The following SACS variants were observed in gnomAD, a reference collection of about 807,000 sequenced individuals.
The protein encoded by SACS is sacsin molecular chaperone.
SACS carries 197 observed loss-of-function variants against 348.0 expected under a neutral mutation model. The ratio of observed to expected loss-of-function variants is 0.57; its 90% CI spans 0.50 to 0.64. The LOEUF (loss-of-function observed/expected upper bound fraction) is 0.64, where lower values mean the gene tolerates loss of function less well. Among genes scored for constraint, SACS ranks in the 30% least tolerant of loss-of-function variants. The pLI is 0.00. For synonymous variants in SACS, 1,985 were observed against 1,910.6 expected (o/e 1.04, Z -1.02); for missense variants, 4,999 against 5,360.8 (o/e 0.93, Z 2.11).
At position 23,358,460 on chromosome 13, in the gene SACS, T is replaced by C; in HGVS notation, c.479A>G (p.Asn160Ser). Residue 160 changes from asparagine (N) to serine (S), a missense_variant, in exon 7 of 10, where the codon AAC (asparagine) becomes AGC (serine). Physicochemically the swap from Asn to Ser is conservative, Grantham distance 46 (BLOSUM62 1). Coordinates refer to ENST00000382292, the MANE Select transcript of SACS (RefSeq NM_014363.6). ...GTCCTCTGGGGTGAAAACCGCGTTG[T>C]TGTACACATAGAGAGCTGGCCCTAG... ...PYQGPALYVY[N>S]NAVFTPEDWH... 1 of 1,614,168 alleles carries C rather than the reference T, an allele frequency of 6.2e-7. No individual in the cohort carries two copies. The highest frequency in any genetic ancestry group is 2.2e-5 in the East Asian group (1 of 44,874).
In SACS at chr13:23,426,564, C is replaced by T. The variant is rs530999142; in HGVS notation, c.-502+7051G>A. On this transcript the variant is annotated intron_variant, in intron 1 of 9. Transcript: ENST00000382292. Reference sequence around the variant, plus strand: ...CTGAGATGGAAGAATTGCTTGAACTCGGGAGGTGGAGGTTGCAGTGAGCTG... The same window carrying T: ...CTGAGATGGAAGAATTGCTTGAACTTGGGAGGTGGAGGTTGCAGTGAGCTG... Among the ~76,000 whole-genome samples the T allele has an allele frequency of 1.1e-3, 165 of 150,742 alleles. 1 individual carries two copies. The highest frequency in any genetic ancestry group is 3.9e-3 in the African/African-American group (158 of 40,908).
chr13:23,374,030 T>C (rs1326181481), intron 3 of SACS: 1 of 152,210 alleles, frequency 6.6e-6, no homozygotes, highest in African/African-American at 2.4e-5. Context: ...CTGACGACTC[T>C]GGTGATGACA....
At chr13:23,412,111 T>C (rs1414118904) in intron 1 of SACS, among the ~76,000 whole-genome samples, 2 of 151,830 alleles carry the variant, frequency 1.3e-5, no homozygotes, top group Non-Finnish European at 2.9e-5. Context: ...TACAAAAAAT[T>C]AGCCGGGCGT....
At chr13:23,363,410 TAG>T (rs1486101131) in intron 6 of SACS, among the ~76,000 whole-genome samples, 1 of 148,656 alleles carries the variant, frequency 6.7e-6, no homozygotes, top group African/African-American at 2.5e-5. Context: ...GTATTTTTAG[TAG>T]AGACAGGTTT....
At chr13:23,370,739 G>A (rs1323872338) in intron 4 of SACS, among the ~76,000 whole-genome samples, 1 of 152,154 alleles carries the variant, frequency 6.6e-6, no homozygotes, top group Non-Finnish European at 1.5e-5. Flanking sequence ...AAAGACGGTG[G>A]ATCACTTGAG....
At chr13:23,423,470 G>C (rs945456733) in intron 1 of SACS, among the ~76,000 whole-genome samples, 1 of 152,166 alleles carries the variant, frequency 6.6e-6, no homozygotes, top group African/African-American at 2.4e-5. Context: ...AGGATGCACT[G>C]TTTTATATCA....
chr13:23,394,709 G>T (rs1872646473), intron 2 of SACS, among the ~76,000 whole-genome samples: 1 of 152,120 alleles, frequency 6.6e-6, no homozygotes, highest in African/African-American at 2.4e-5. Flanking sequence ...CAAAAAATTA[G>T]CCAGGTGTGG....
intron 2 of SACS, among the ~76,000 whole-genome samples, chr13:23,376,515 GATA>G: frequency 6.6e-6 from 1 of 152,182 alleles, no homozygotes; most frequent in Non-Finnish European, 1.5e-5. Flanking sequence ...CCAAAAAATA[GATA>G]ATAAATTGCC....
Position 23,334,646 on chromosome 13 carries a change from G to A in SACS, c.9230C>T (p.Ala3077Val), listed in dbSNP as rs1374365772. 1 of 1,613,310 alleles carries A rather than the reference G, an allele frequency of 6.2e-7. No individual in the cohort carries two copies. The highest frequency in any genetic ancestry group is 8.5e-7 in the Non-Finnish European group (1 of 1,179,644). The part of the protein sequence containing the change: ...FNLVYNCDET[A>V]NLYHCLIDAD... Reference sequence around the variant, plus strand: ...ATCTATAAGACAGTGGTAAAGATTAGCAGTTTCATCACAGTTATAAACCAA... The same window carrying A: ...ATCTATAAGACAGTGGTAAAGATTAACAGTTTCATCACAGTTATAAACCAA... Residue 3077 changes from alanine (A) to valine (V), a missense_variant, in exon 10 of 10, where the codon GCT becomes GTT. Ala to Val is a moderately conservative substitution (Grantham distance 64, BLOSUM62 0). Transcript: ENST00000382292.
chr13:23,340,387 C>T lies in SACS; in HGVS notation c.3489G>A (p.Arg1163=), dbSNP rs1189493581. ...CCAAAGAGCCTGGATAATTTGGAGG[C>T]CTTTCCTTGCAGGCTGGAACCCATT... is the stretch of plus-strand genomic sequence containing the variant. ...KIKWVPACKE[R]PPNYPGSLVW... The change falls in exon 10 of 10, where the codon AGG becomes AGA. Residue 1163 remains arginine (R), a synonymous_variant. Transcript: ENST00000382292. 2 of 1,614,112 alleles carry T rather than the reference C, an allele frequency of 1.2e-6. No homozygotes were observed. The highest frequency in any genetic ancestry group is 1.1e-5 in the South Asian group (1 of 91,072).
intron 2 of SACS, among the ~76,000 whole-genome samples, chr13:23,376,853 AC>A (rs1404675971): frequency 6.6e-6 from 1 of 152,226 alleles, no homozygotes; most frequent in African/African-American, 2.4e-5. Flanking sequence ...GGAGTTCGAG[AC>A]CAGCCTGGCC....
intron 2 of SACS, among the ~76,000 whole-genome samples, chr13:23,407,830 A>C (rs1873300256): frequency 6.6e-6 from 1 of 152,008 alleles, no homozygotes; most frequent in African/African-American, 2.4e-5. Flanking sequence ...GAATCCCCTG[A>C]CTCCGGCTAT....
chr13:23,416,529 G>A (rs544983358), intron 1 of SACS, among the ~76,000 whole-genome samples: 46 of 152,188 alleles, frequency 3.0e-4, no homozygotes, highest in Non-Finnish European at 2.1e-4. Flanking sequence ...AGGCCACAGA[G>A]GCCAGATCAC....
Position 23,332,968 on chromosome 13 carries a change from T to C in SACS, c.10908A>G (p.Arg3636=). Residue 3636 remains arginine (R), a synonymous_variant, in exon 10 of 10, where the codon CGA becomes CGG. Coordinates refer to ENST00000382292, the MANE Select transcript of SACS (RefSeq NM_014363.6). ...DILLHHIFQE[R]MDLLSGNFLK... is the part of the protein sequence containing the mutation. ...GAAAATTTCCAGATAACAAATCCATTCGTTCTTGGAATATATGATGCAGAA... is the reference window on the plus strand; with the variant it reads ...GAAAATTTCCAGATAACAAATCCATCCGTTCTTGGAATATATGATGCAGAA... 6 of 1,613,920 alleles carry C rather than the reference T, an allele frequency of 3.7e-6. No homozygotes were observed. The highest frequency in any genetic ancestry group is 5.1e-6 in the Non-Finnish European group (6 of 1,179,904).
intron 2 of SACS, among the ~76,000 whole-genome samples, chr13:23,397,326 C>G (rs957231728): frequency 6.6e-6 from 1 of 151,986 alleles, no homozygotes. Flanking sequence ...GAGAAAGAAA[C>G]AAATATAGGA....
In SACS at chr13:23,338,014, A is replaced by C; in HGVS notation, c.5862T>G (p.Asp1954Glu). 1 of 1,613,962 alleles carries C rather than the reference A, an allele frequency of 6.2e-7. No homozygotes were observed. The highest frequency in any genetic ancestry group is 8.5e-7 in the Non-Finnish European group (1 of 1,179,938). Residue 1954 changes from aspartate to glutamate, a missense_variant, in exon 10 of 10, where the codon GAT becomes GAG. By Grantham distance (45) the Asp-to-Glu change is conservative. Coordinates refer to ENST00000382292, the MANE Select transcript of SACS (RefSeq NM_014363.6). ...ATCCTTGGCAAATTACAGAAAAATC[A>C]TCATGAACTAAATCAGGATCGGGCC... ...AVWPDPDLVH[D>E]DFSVICQGFY...
chr13:23,390,925 G>A (rs999843160), intron 2 of SACS, among the ~76,000 whole-genome samples: 1 of 152,134 alleles, frequency 6.6e-6, no homozygotes, highest in South Asian at 2.1e-4. Context: ...TCCTTCTCCA[G>A]CCCAAACCTG....
At position 23,354,632 on chromosome 13, in the gene SACS, G is replaced by A. The variant is rs991078992; in HGVS notation, c.1980C>T (p.Tyr660=). 1.1e-5 allele frequency: 17 copies of A among 1,614,120 alleles called. No individual in the cohort carries two copies. The African/African-American group carries it at 1.2e-4, about 11-fold the overall frequency. The change falls in exon 8 of 10, where the codon TAC becomes TAT. Residue 660 remains tyrosine (Y), a synonymous_variant. Transcript: ENST00000382292. Reference sequence around the variant, plus strand: ...GCAGCTCCAGCCCAAGCAGCTCACTGTAGGCTTGGTCAGAAAGCACAAATT... The same window carrying A: ...GCAGCTCCAGCCCAAGCAGCTCACTATAGGCTTGGTCAGAAAGCACAAATT... The part of the protein sequence containing the change: ...LLEFVLSDQA[Y]SELLGLELLP...
intron 1 of SACS, among the ~76,000 whole-genome samples, chr13:23,418,692 GA>G (rs2137985499): frequency 1.3e-5 from 2 of 152,280 alleles, no homozygotes; most frequent in South Asian, 4.1e-4. Context: ...TTTTAGTAGA[GA>G]GGGGATTCAC....
Sources: allele counts gnomAD v4.1 joint callset (sites outside exome capture counted in the v4.1 genomes callset), GRCh38; gene constraint gnomAD v4.1.1; transcripts MANE v1.5; gene names NCBI Gene and HGNC (gene_info 2026-07-23, HGNC 2026-07-21).